The following DGKI variants were observed in gnomAD, a reference collection of about 807,000 sequenced individuals.
DGKI encodes the protein diacylglycerol kinase iota, also known as DAG kinase iota.
A neutral mutation model predicts 147.5 loss-of-function variants in DGKI; 55 were observed. The ratio of observed to expected loss-of-function variants is 0.37; its 90% confidence interval spans 0.30 to 0.47. DGKI has a LOEUF of 0.47. Ranked by LOEUF, DGKI falls within the 20% of genes least tolerant of loss-of-function variation. The probability of loss-of-function intolerance (pLI) is 1.00; values close to 1 mark genes in which losing one functional copy is unlikely to be tolerated. For missense variants in DGKI, 1,007 were observed against 1,323.8 expected (o/e 0.76, Z 3.71); for synonymous variants, 469 against 477.1 (o/e 0.98, Z 0.22).
intron 20 of DGKI, among the ~76,000 whole-genome samples, chr7:137,522,694 C>T (rs76746384): frequency 0.032 from 4,875 of 152,208 alleles, 217 homozygotes; most frequent in East Asian, 0.11. Context: ...TTCTGAACAT[C>T]TATTCACTCC....
At chr7:137,772,419 A>G (rs73462663) in intron 1 of DGKI, among the ~76,000 whole-genome samples, 8,624 of 152,224 alleles carry the variant, frequency 0.057, 580 homozygotes, top group African/African-American at 0.17. Context: ...TGTCTGACAC[A>G]AGGCACTCAA....
intron 1 of DGKI, among the ~76,000 whole-genome samples, chr7:137,712,874 T>C (rs1794257271): frequency 2.6e-5 from 4 of 152,200 alleles, no homozygotes; most frequent in Admixed American, 2.6e-4. Context: ...TAATAGACTT[T>C]CAGGGTTAGC....
intron 1 of DGKI, among the ~76,000 whole-genome samples, chr7:137,736,050 G>A (rs898754035): frequency 6.6e-6 from 1 of 152,040 alleles, no homozygotes; most frequent in African/African-American, 2.4e-5. Context: ...CACACATGTT[G>A]TGTAGAAAGC....
chr7:137,478,414 C>T (rs927474597), intron 23 of DGKI, among the ~76,000 whole-genome samples: 2 of 152,184 alleles, frequency 1.3e-5, no homozygotes, highest in African/African-American at 4.8e-5. Flanking sequence ...TCTATCTATA[C>T]ACCTTTCTCT....
chr7:137,649,137 G>A (rs2129009738), intron 5 of DGKI, among the ~76,000 whole-genome samples: 1 of 152,246 alleles, frequency 6.6e-6, no homozygotes, highest in East Asian at 1.9e-4. Context: ...ATATATGTGT[G>A]TTGAATTGAA....
At chr7:137,831,173 C>A (rs1798206778) in intron 1 of DGKI, among the ~76,000 whole-genome samples, 1 of 152,218 alleles carries the variant, frequency 6.6e-6, no homozygotes, top group Admixed American at 6.5e-5. Flanking sequence ...CATTCACAAG[C>A]AGAGGCTGCT....
chr7:137,792,813 T>G (rs1024820452), intron 1 of DGKI, among the ~76,000 whole-genome samples: 4 of 152,220 alleles, frequency 2.6e-5, no homozygotes, highest in Non-Finnish European at 5.9e-5. Context: ...GATCTCCCTT[T>G]GCTTCTGCCA....
intron 21 of DGKI, among the ~76,000 whole-genome samples, chr7:137,499,504 G>C (rs1275769020): frequency 6.6e-6 from 1 of 152,112 alleles, no homozygotes; most frequent in African/African-American, 2.4e-5. Context: ...GTGTCATCGT[G>C]TCATCCAATC....
At chr7:137,845,531 A>T (rs1798685685) in intron 1 of DGKI, among the ~76,000 whole-genome samples, 1 of 152,116 alleles carries the variant, frequency 6.6e-6, no homozygotes, top group Non-Finnish European at 1.5e-5. Context: ...TATCACCTCG[A>T]CCTTTAACAT....
intron 30 of DGKI, among the ~76,000 whole-genome samples, chr7:137,404,139 A>C (rs1414000290): frequency 6.6e-6 from 1 of 152,214 alleles, no homozygotes; most frequent in Non-Finnish European, 1.5e-5. Context: ...CAAGAACACT[A>C]TAATTTAAAG....
At position 137,776,137 on chromosome 7, in the gene DGKI, C is replaced by T. The variant is rs551911515; in HGVS notation, c.401+70325G>A. On this transcript the variant is annotated intron_variant, in intron 1 of 32. Transcript: ENST00000614521. ...CCTCCCAAAGTGCTAAGATTACAGG[C>T]GTGAGCCACCACGCCCAGCTAAAAG... is the stretch of plus-strand genomic sequence containing the variant. Among the ~76,000 whole-genome samples, 5 of 152,244 alleles carry T rather than the reference C, an allele frequency of 3.3e-5. No homozygotes were observed. In the South Asian group the frequency reaches 8.3e-4, roughly 25 times the overall value.
chr7:137,842,589 A>T (rs1276045219), intron 1 of DGKI, among the ~76,000 whole-genome samples: 1 of 152,194 alleles, frequency 6.6e-6, no homozygotes, highest in African/African-American at 2.4e-5. Flanking sequence ...TGTGCTGCCC[A>T]AAGAGGTACC....
At chr7:137,506,119 G>C (rs890965924) in intron 21 of DGKI, among the ~76,000 whole-genome samples, 9 of 152,160 alleles carry the variant, frequency 5.9e-5, no homozygotes, top group African/African-American at 2.2e-4. Flanking sequence ...TTACCCAATG[G>C]AGTTGAAAAT....
intron 20 of DGKI, among the ~76,000 whole-genome samples, chr7:137,530,496 T>A (rs1193849872): frequency 7.2e-5 from 11 of 152,196 alleles, no homozygotes; most frequent in Non-Finnish European, 7.3e-5. Context: ...AACATAAATG[T>A]AATCATGATA....
At chr7:137,832,349 C>T (rs1428507384) in intron 1 of DGKI, among the ~76,000 whole-genome samples, 1 of 152,238 alleles carries the variant, frequency 6.6e-6, no homozygotes, top group Admixed American at 6.5e-5. Context: ...GGCATCCAGG[C>T]ATTTCCCATA....
intron 6 of DGKI, among the ~76,000 whole-genome samples, chr7:137,634,991 C>T (rs1585310517): frequency 6.6e-6 from 1 of 152,128 alleles, no homozygotes; most frequent in East Asian, 1.9e-4. Flanking sequence ...GGCCAGGGCC[C>T]TGGAGGGAAA....
intron 1 of DGKI, among the ~76,000 whole-genome samples, chr7:137,697,618 G>T (rs1172423750): frequency 6.6e-6 from 1 of 152,030 alleles, no homozygotes; most frequent in East Asian, 1.9e-4. Context: ...CTTTTCACAG[G>T]TTATCTTCTA....
chr7:137,664,731 G>A (rs1357955704), intron 3 of DGKI, among the ~76,000 whole-genome samples: 2 of 152,150 alleles, frequency 1.3e-5, no homozygotes, highest in South Asian at 2.1e-4. Context: ...ATCAGACACC[G>A]TGCCCAGCCC....
At chr7:137,605,823 G>A (rs1452485250) in intron 10 of DGKI, among the ~76,000 whole-genome samples, 1 of 152,218 alleles carries the variant, frequency 6.6e-6, no homozygotes, top group Non-Finnish European at 1.5e-5. Flanking sequence ...TGTGGTGGGT[G>A]TGGGGGATGA....
Sources: gnomAD v4.1 joint callset for allele counts (sites outside exome capture counted in the v4.1 genomes callset) on GRCh38, gnomAD v4.1.1 for gene constraint, MANE v1.5 for transcripts, NCBI Gene and HGNC (gene_info 2026-07-23, HGNC 2026-07-21) for gene names.